THBS4: variants seen among roughly 807,000 people sequenced by gnomAD.
The protein encoded by THBS4 is thrombospondin-4.
A neutral mutation model predicts 115.7 loss-of-function variants in THBS4; 90 were observed. That is an observed-to-expected ratio of 0.78 (90% CI 0.66 to 0.93). The LOEUF (loss-of-function observed/expected upper bound fraction) is 0.93. Among genes scored for constraint, THBS4 ranks in the 40% least tolerant of loss-of-function variants. The probability of loss-of-function intolerance (pLI) is 0.00; values close to 1 mark genes in which losing one functional copy is unlikely to be tolerated. For synonymous variants in THBS4, 460 were observed against 479.3 expected (o/e 0.96, Z 0.53); for missense variants, 1,087 against 1,232.7 (o/e 0.88, Z 1.77).
chr5:80,002,490 G>A (rs1031268794), intron 2 of THBS4, among the ~76,000 whole-genome samples: 1 of 111,430 alleles, frequency 9.0e-6, no homozygotes, highest in African/African-American at 4.3e-5. Flanking sequence ...TGCTGCCTCG[G>A]AAAAGCTGGG....
At chr5:80,001,257 G>A (rs1417150105) in intron 2 of THBS4, among the ~76,000 whole-genome samples, 1 of 134,878 alleles carries the variant, frequency 7.4e-6, no homozygotes, top group Non-Finnish European at 1.6e-5. Flanking sequence ...CTACATATTT[G>A]TTGCCGTGTT....
chr5:80,024,623 A>T (rs1390068853), intron 2 of THBS4, among the ~76,000 whole-genome samples: 1 of 152,228 alleles, frequency 6.6e-6, no homozygotes, highest in East Asian at 1.9e-4. Flanking sequence ...ACATAGCATT[A>T]TGATTCCTTC....
At chr5:80,068,375 C>T (rs961393376) in intron 10 of THBS4, 2 of 413,494 alleles carry the variant, frequency 4.8e-6, no homozygotes, top group Non-Finnish European at 4.4e-6. Context: ...TACCTGGATG[C>T]CAGAGCCTCC....
chr5:80,073,388 T>G (rs1743004199), intron 15 of THBS4, 61 bp downstream of exon 15: 8 of 1,485,574 alleles, frequency 5.4e-6, no homozygotes, highest in Non-Finnish European at 6.4e-6. Flanking sequence ...GGTTTTTGGT[T>G]TGTTTTTTTT....
intron 2 of THBS4, among the ~76,000 whole-genome samples, chr5:80,054,163 T>TC (rs776719242): frequency 3.3e-5 from 5 of 149,752 alleles, no homozygotes; most frequent in Non-Finnish European, 6.0e-5. Flanking sequence ...TCTTTTCTTT[T>TC]TTTTTTTTTT....
chr5:80,056,672 T>C (rs1833443384), intron 3 of THBS4, among the ~76,000 whole-genome samples: 1 of 152,156 alleles, frequency 6.6e-6, no homozygotes, highest in South Asian at 2.1e-4. Context: ...CTTTGTTTTC[T>C]ATAAAGAACT....
At chr5:80,025,504 T>C (rs1469506962) in intron 2 of THBS4, among the ~76,000 whole-genome samples, 1 of 152,102 alleles carries the variant, frequency 6.6e-6, no homozygotes, top group Non-Finnish European at 1.5e-5. Context: ...CAAGCAACTT[T>C]AGGGAGCTGC....
intron 3 of THBS4, 86 bp downstream of exon 3, chr5:80,056,118 G>C: frequency 6.9e-7 from 1 of 1,454,178 alleles, no homozygotes; most frequent in Non-Finnish European, 9.1e-7. Context: ...AGAAATTCCT[G>C]CTGCAGGTCA....
intron 1 of THBS4, among the ~76,000 whole-genome samples, chr5:79,995,878 T>C (rs11748289): frequency 0.61 from 93,035 of 151,640 alleles, 28,649 homozygotes; most frequent in South Asian, 0.66. Context: ...AATCCCAGAA[T>C]TTTGGGAGGC....
Position 80,065,436 on chromosome 5 carries a change from A to AATGG in THBS4, c.1155_1158dup (p.Ala387TrpfsTer11). 3.7e-6 allele frequency: 6 copies of AATGG among 1,613,788 alleles called. No homozygotes were observed. Among genetic ancestry groups the AATGG allele is most frequent in the Non-Finnish European group, 5.1e-6 (6 of 1,179,926 alleles). ...CTGCACTGACATTGATGAGTGTCGAAATGGAGCGTGCGTTCCCAACTCGAT... is the reference window on the plus strand; with the variant it reads ...CTGCACTGACATTGATGAGTGTCGAAATGGATGGAGCGTGCGTTCCCAACTCGAT... On this transcript the variant is annotated frameshift_variant, in exon 9 of 22. Transcript: ENST00000350881. LOFTEE classifies it high-confidence loss of function.
chr5:79,995,921 G>GGT (rs928594446), intron 1 of THBS4, among the ~76,000 whole-genome samples: 27 of 151,732 alleles, frequency 1.8e-4, no homozygotes, highest in Non-Finnish European at 3.4e-4. Context: ...GATCACTTGA[G>GGT]GTCAGGAGTT....
chr5:80,061,824 A>G lies in THBS4; in HGVS notation c.1117A>G (p.Asn373Asp). ...QGVGISFAKS[N>D]KQVCTDIDEC... ...TGTTGGGATCAGTTTTGCCAAGTCA[A>G]ACAAGCAGGTAGGCTGAAGTCATGG... The change falls in exon 8 of 22, where the codon AAC becomes GAC. Residue 373 changes from asparagine (N) to aspartate (D), a missense_variant. Transcript: ENST00000350881. The G allele has an allele frequency of 1.2e-6, 2 of 1,607,936 alleles. No individual in the cohort carries two copies. The highest frequency in any genetic ancestry group is 1.7e-6 in the Non-Finnish European group (2 of 1,176,930).
intron 15 of THBS4, chr5:80,074,520 G>T (rs1561326873): frequency 1.3e-5 from 2 of 152,204 alleles, no homozygotes; most frequent in Non-Finnish European, 2.9e-5. Flanking sequence ...AAAAAAAGAT[G>T]CAATTTCTCT....
Position 80,052,103 on chromosome 5 carries a change from A to G in THBS4, c.293-3682A>G, listed in dbSNP as rs1299711714. On this transcript the variant is annotated intron_variant, in intron 2 of 21. Transcript: ENST00000350881. ...CCAAGTGGTATTTTTCTTGGCCTGT[A>G]AAAACTACAGGTATTTGCAAAACTG... Among the ~76,000 whole-genome samples, 6 of 152,226 alleles carry G rather than the reference A, an allele frequency of 3.9e-5. No individual in the cohort carries two copies. In the East Asian group the frequency reaches 1.2e-3, roughly 29 times the overall value.
Position 80,009,414 on chromosome 5 carries a change from T to C in THBS4, n.177+10987T>C, listed in dbSNP as rs77821731. Among the ~76,000 whole-genome samples, 46 of 152,366 alleles carry C rather than the reference T, an allele frequency of 3.0e-4. No homozygotes were observed. In the East Asian group the frequency reaches 5.8e-3, roughly 19 times the overall value. On this transcript the variant is annotated intron_variant and non_coding_transcript_variant, in intron 2 of 3. Transcript: ENST00000510218. ...CTTCTATTTTACCCAAGAAAACATATGAATTTATTTTGCTGTCTAAACCAA... is the reference window on the plus strand; with the variant it reads ...CTTCTATTTTACCCAAGAAAACATACGAATTTATTTTGCTGTCTAAACCAA...
chr5:80,076,109 G>A (rs1392197846), intron 15 of THBS4: 1 of 152,378 alleles, frequency 6.6e-6, no homozygotes, highest in Non-Finnish European at 1.5e-5. Flanking sequence ...CCTCAGCCCA[G>A]AAAGTCAGGT....
intron 2 of THBS4, among the ~76,000 whole-genome samples, chr5:80,011,936 A>C (rs1488226852): frequency 6.6e-6 from 1 of 152,160 alleles, no homozygotes; most frequent in Non-Finnish European, 1.5e-5. Context: ...GACCCAAGAA[A>C]GCACTATTAA....
intron 2 of THBS4, among the ~76,000 whole-genome samples, chr5:80,045,762 C>T (rs1833046570): frequency 6.6e-6 from 1 of 152,062 alleles, no homozygotes; most frequent in Admixed American, 6.6e-5. Context: ...AACTCGCGAC[C>T]TCAGATGATC....
rs551933897 is a variant in THBS4 at position 80,078,502 on chromosome 5, A to G, written c.2265+275A>G. Among the ~76,000 whole-genome samples, 5 of 152,280 alleles carry G rather than the reference A, an allele frequency of 3.3e-5. No individual in the cohort carries two copies. In the South Asian group the frequency reaches 1.0e-3, roughly 32 times the overall value. ...CTGGAATTGGGACCCAGGCAGTCTG[A>G]CCCTAGAACCCACACTTCTGATCTC... On this transcript the variant is annotated intron_variant, in intron 17 of 21. Transcript: ENST00000350881.
Sources: allele counts gnomAD v4.1 joint callset (sites outside exome capture counted in the v4.1 genomes callset), GRCh38; gene constraint gnomAD v4.1.1; transcripts MANE v1.5; gene names NCBI Gene and HGNC (gene_info 2026-07-23, HGNC 2026-07-21).